COL23A1: variants seen among roughly 807,000 people sequenced by gnomAD.
The protein encoded by COL23A1 is collagen alpha-1(XXIII) chain.
Under a neutral mutation model 99.3 loss-of-function variants are expected in COL23A1, and 97 were observed. The ratio of observed to expected loss-of-function variants is 0.98; its 90% CI spans 0.83 to 1.16. The LOEUF is 1.16. COL23A1 is among the 50% of genes most tolerant of loss of function. COL23A1 has a pLI of 0.00. For missense variants in COL23A1, 762 were observed against 757.4 expected, an observed-to-expected ratio of 1.01 and a Z score of -0.07; for synonymous variants, 320 against 308.2, an observed-to-expected ratio of 1.04 and a Z score of -0.40.
At chr5:178,429,720 G>T (rs1246335195) in intron 2 of COL23A1, among the ~76,000 whole-genome samples, 1 of 146,778 alleles carries the variant, frequency 6.8e-6, no homozygotes, top group Non-Finnish European at 1.5e-5. Context: ...TGACGCCAGA[G>T]GGATCTGAGC....
At position 178,358,031 on chromosome 5, in the gene COL23A1, T is replaced by TATGTGTATGCGC. The variant is rs1161765458; in HGVS notation, c.362-51113_362-51112insGCGCATACACAT. 4.1e-3 allele frequency among the ~76,000 whole-genome samples: 612 copies of TATGTGTATGCGC among 147,954 alleles called. 12 individuals carry two copies. Among genetic ancestry groups the TATGTGTATGCGC allele is most frequent in the African/African-American group, 0.014 (586 of 40,582 alleles). On this transcript the variant is annotated intron_variant, in intron 2 of 28. Transcript: ENST00000390654. ...ATGTGTGTGTATGTGTGTGTATGCG[T>TATGTGTATGCGC]ATGTGTATGTGTATGTATGTCTAAT...
rs943990267 is a variant in COL23A1, at chr5:178,313,840, T to C, written c.362-6921A>G. Reference sequence around the variant, plus strand: ...TTCAGGGCCATCAGGGGGTGCACCTTGAGCAGAGAAGGCAAGCGAGGTCCC... The same window carrying C: ...TTCAGGGCCATCAGGGGGTGCACCTCGAGCAGAGAAGGCAAGCGAGGTCCC... On this transcript the variant is annotated intron_variant, in intron 2 of 28. Transcript: ENST00000390654. The surrounding 1 kb of genome is among the most constrained non-coding windows in gnomAD (Gnocchi z 4.2). Among the ~76,000 whole-genome samples, 1 of 152,142 alleles carries C rather than the reference T, an allele frequency of 6.6e-6. No individual in the cohort carries two copies. The highest frequency in any genetic ancestry group is 6.5e-5 in the Admixed American group (1 of 15,274).
At chr5:178,331,224 T>C (rs1251397670) in intron 2 of COL23A1, among the ~76,000 whole-genome samples, 1 of 152,188 alleles carries the variant, frequency 6.6e-6, no homozygotes, top group Non-Finnish European at 1.5e-5. Context: ...GGTGGCTCTG[T>C]GTCAAAGGAA....
At chr5:178,523,882 T>C (rs1263846148) in intron 2 of COL23A1, among the ~76,000 whole-genome samples, 2 of 152,152 alleles carry the variant, frequency 1.3e-5, no homozygotes, top group African/African-American at 4.8e-5. Context: ...CAAGTTACAC[T>C]ACCTGGGCTC....
chr5:178,327,011 C>A (rs1431478892), intron 2 of COL23A1, among the ~76,000 whole-genome samples: 9 of 152,352 alleles, frequency 5.9e-5, no homozygotes, highest in African/African-American at 1.4e-4. Context: ...AGCCACTGCA[C>A]CGGGCCAAAA....
chr5:178,249,008 C>A, intron 19 of COL23A1, 109 bp downstream of exon 19: 2 of 1,092,686 alleles, frequency 1.8e-6, no homozygotes, highest in Non-Finnish European at 2.8e-6. Flanking sequence ...ACTGAGACCG[C>A]AGGGGCTGTC....
chr5:178,526,313 G>C (rs1236234681), intron 2 of COL23A1, among the ~76,000 whole-genome samples: 1 of 152,206 alleles, frequency 6.6e-6, no homozygotes, highest in East Asian at 1.9e-4. Flanking sequence ...GACCTGGGGG[G>C]CCAAGCAAAG....
At chr5:178,300,736 T>TTTTA (rs1757989891) in intron 3 of COL23A1, among the ~76,000 whole-genome samples, 1 of 138,180 alleles carries the variant, frequency 7.2e-6, no homozygotes, top group African/African-American at 2.9e-5. Context: ...TATTTATTTA[T>TTTTA]TTTTTTTAGT....
At chr5:178,446,180 A>G (rs1201980466) in intron 2 of COL23A1, among the ~76,000 whole-genome samples, 1 of 152,100 alleles carries the variant, frequency 6.6e-6, no homozygotes, top group African/African-American at 2.4e-5. Flanking sequence ...AGATGTAGCT[A>G]TAAACATGGT....
chr5:178,400,161 T>C (rs983943361), intron 2 of COL23A1, among the ~76,000 whole-genome samples: 3 of 151,866 alleles, frequency 2.0e-5, no homozygotes, highest in Non-Finnish European at 4.4e-5. Flanking sequence ...GGTCAGGAGA[T>C]CGAGACCATC....
intron 2 of COL23A1, among the ~76,000 whole-genome samples, chr5:178,507,804 T>G (rs1758963257): frequency 6.6e-6 from 1 of 152,232 alleles, no homozygotes; most frequent in Non-Finnish European, 1.5e-5. Flanking sequence ...GATGTGGATT[T>G]CTTTTTGTTT....
chr5:178,503,454 G>A (rs1028256489), intron 2 of COL23A1, among the ~76,000 whole-genome samples: 2 of 152,196 alleles, frequency 1.3e-5, no homozygotes, highest in African/African-American at 4.8e-5. Flanking sequence ...TGTATTGCAG[G>A]CAGAAAATGC....
At position 178,549,665 on chromosome 5, in the gene COL23A1, A is replaced by C. The variant is rs952111561; in HGVS notation, c.361+11017T>G. 1.3e-3 allele frequency among the ~76,000 whole-genome samples: 202 copies of C among 152,248 alleles called. 8 individuals are homozygous for C. Among genetic ancestry groups the C allele is most frequent in the African/African-American group, 3.4e-4 (14 of 41,546 alleles). ...ACCCTGTCTCTACTAAATACAAAAA[A>C]TTAGCCAGGCGTGGTGGTGTGCTCC... On this transcript the variant is annotated intron_variant, in intron 2 of 28. Coordinates refer to ENST00000390654, the MANE Select transcript of COL23A1 (RefSeq NM_173465.4).
At chr5:178,490,431 CG>C in intron 2 of COL23A1, among the ~76,000 whole-genome samples, 1 of 151,918 alleles carries the variant, frequency 6.6e-6, no homozygotes, top group East Asian at 1.9e-4. Flanking sequence ...TAGAGGTTAC[CG>C]GTGCTGAAGG....
intron 2 of COL23A1, among the ~76,000 whole-genome samples, chr5:178,314,983 A>G (rs1188966831): frequency 6.6e-6 from 1 of 152,158 alleles, no homozygotes. Flanking sequence ...TAAGCTGCCC[A>G]GGATGTCTCT....
At position 178,366,698 on chromosome 5, in the gene COL23A1, G is replaced by A. The variant is rs1477195104; in HGVS notation, c.362-59779C>T. On this transcript the variant is annotated intron_variant, in intron 2 of 28. Coordinates refer to ENST00000390654, the MANE Select transcript of COL23A1 (RefSeq NM_173465.4). This position sits in a 1 kb window ranked among gnomAD's most constrained non-coding sequence, Gnocchi z 4.4. The stretch of plus-strand genomic sequence containing the variant: ...ATCCTGCCGCTGCCACGGTGGTGCA[G>A]CCACACTGAGCATCCCAAACCTCGC... 6.6e-6 allele frequency among the ~76,000 whole-genome samples: 1 copy of A among 152,192 alleles called. No individual in the cohort carries two copies. The highest frequency in any genetic ancestry group is 1.5e-5 in the Non-Finnish European group (1 of 68,042).
rs624669 is a variant in COL23A1, at chr5:178,483,791, G to C, written c.361+76891C>G. 3.9e-5 allele frequency among the ~76,000 whole-genome samples: 6 copies of C among 152,350 alleles called. No homozygotes were observed. The South Asian group carries it at 1.2e-3, about 32-fold the overall frequency. On this transcript the variant is annotated intron_variant, in intron 2 of 28. Coordinates refer to ENST00000390654, the MANE Select transcript of COL23A1 (RefSeq NM_173465.4). ...TTTACCCACAAAGCACGTGGAGCCCGTGCAGCGGGGTTCCTCTTCAAAGAA... is the reference window on the plus strand; with the variant it reads ...TTTACCCACAAAGCACGTGGAGCCCCTGCAGCGGGGTTCCTCTTCAAAGAA...
rs1025407458 is a variant in COL23A1 at position 178,258,250 on chromosome 5, T to A, written c.730-683A>T. On this transcript the variant is annotated intron_variant, in intron 12 of 28. Transcript: ENST00000390654. ...TCCTGTCTTAAAATATATATATATA[T>A]ATATATATATATACACATGCAAATC... 8.5e-5 allele frequency among the ~76,000 whole-genome samples: 11 copies of A among 128,808 alleles called. No homozygotes were observed. The East Asian group carries it at 1.0e-3, about 12-fold the overall frequency. The allele number at this position is 128,808 out of a possible 152,430, so 84.5% of individuals were successfully genotyped here.
At chr5:178,465,911 G>A (rs1401234638) in intron 2 of COL23A1, among the ~76,000 whole-genome samples, 1 of 152,280 alleles carries the variant, frequency 6.6e-6, no homozygotes, top group East Asian at 1.9e-4. Flanking sequence ...TGCCTGCTCC[G>A]GATGGCGAGT....
Sources: allele counts gnomAD v4.1 joint callset (sites outside exome capture counted in the v4.1 genomes callset), GRCh38; gene constraint gnomAD v4.1.1; non-coding constraint Gnocchi (gnomAD v3.1); transcripts MANE v1.5; gene names NCBI Gene and HGNC (gene_info 2026-07-23, HGNC 2026-07-21).